Variants in SORCS1 observed in about 807,000 individuals in gnomAD.
The protein encoded by SORCS1 is VPS10 domain-containing receptor SorCS1.
A neutral mutation model predicts 146.1 loss-of-function variants in SORCS1; 60 were observed. The observed-to-expected ratio is 0.41, with a 90% CI of 0.33 to 0.51. The LOEUF is 0.51. SORCS1 is among the 20% of genes least tolerant of loss of function. SORCS1 has a pLI of 0.21. For synonymous variants in SORCS1, 637 were observed against 584.0 expected (o/e 1.09, Z -1.31); for missense variants, 1,352 against 1,487.6 (o/e 0.91, Z 1.50).
At position 106,577,639 on chromosome 10, in the gene SORCS1, C is replaced by T. The variant is rs1053188424; in HGVS notation, c.3372-84G>A. The T allele has an allele frequency of 6.4e-6, 10 of 1,573,708 alleles. 1 individual carries two copies. In the African/African-American group the frequency reaches 6.8e-5, roughly 11 times the overall value. On this transcript the variant is annotated intron_variant, in intron 25 of 25. Transcript: ENST00000263054. The stretch of plus-strand genomic sequence containing the variant: ...GAGACTTTGCAATGTGCTGCGATAT[C>T]TTCCTGGAGAAGGAGGAATTACTAC...
At chr10:107,047,672 C>T (rs556882536) in intron 1 of SORCS1, among the ~76,000 whole-genome samples, 3 of 152,276 alleles carry the variant, frequency 2.0e-5, no homozygotes, top group South Asian at 4.1e-4. Context: ...CTAGCCAAAA[C>T]GGACCATTTG....
intron 1 of SORCS1, among the ~76,000 whole-genome samples, chr10:107,125,477 T>C (rs995336687): frequency 1.3e-5 from 2 of 152,344 alleles, no homozygotes; most frequent in African/African-American, 2.4e-5. Context: ...GTCAGGAGCA[T>C]GGATATTCAC....
chr10:107,176,380 G>C, the SORCS1 span, among the ~76,000 whole-genome samples: 2 of 149,910 alleles, frequency 1.3e-5, no homozygotes, highest in African/African-American at 4.9e-5. Context: ...GCCCAGGTTA[G>C]AGTGCAGTGC....
chr10:106,760,370 G>A (rs1045253361), intron 5 of SORCS1, among the ~76,000 whole-genome samples: 2 of 149,492 alleles, frequency 1.3e-5, no homozygotes, highest in African/African-American at 2.5e-5. Context: ...CGTGAACCTG[G>A]GAGGCAGAGC....
Position 106,574,518 on chromosome 10 carries a change from T to G in SORCS1, c.*2902A>C, listed in dbSNP as rs564859963. On this transcript the variant is annotated 3_prime_UTR_variant, in exon 26 of 26. Coordinates refer to ENST00000263054, the MANE Select transcript of SORCS1 (RefSeq NM_052918.5). Reference sequence around the variant, plus strand: ...ATTCAGCTGGAATGGCCTAGTACAATGGTTCTCAAACTTTAGTATGTATCA... The same window carrying G: ...ATTCAGCTGGAATGGCCTAGTACAAGGGTTCTCAAACTTTAGTATGTATCA... The G allele has an allele frequency of 6.5e-6, 1 of 152,738 alleles. No homozygotes were observed. Among genetic ancestry groups the G allele is most frequent in the South Asian group, 2.1e-4 (1 of 4,824 alleles). 9.5% of individuals were successfully genotyped at this position (152,738 alleles called of 1,614,324 possible). A position where few individuals can be genotyped will look rare whatever the true frequency, so the allele number is the denominator to read the frequency against.
chr10:107,102,606 A>G (rs1349896233), intron 1 of SORCS1, among the ~76,000 whole-genome samples: 1 of 152,164 alleles, frequency 6.6e-6, no homozygotes, highest in Non-Finnish European at 1.5e-5. Flanking sequence ...TTAGCGTTCT[A>G]CCTAAGCACT....
chr10:106,621,278 T>A (rs1485021300), intron 19 of SORCS1, among the ~76,000 whole-genome samples: 2 of 152,194 alleles, frequency 1.3e-5, no homozygotes, highest in African/African-American at 4.8e-5. Flanking sequence ...GCCCTCTTCA[T>A]AAAGAACCAC....
intron 24 of SORCS1, among the ~76,000 whole-genome samples, chr10:106,582,580 G>C (rs966038544): frequency 2.0e-5 from 3 of 152,208 alleles, no homozygotes; most frequent in African/African-American, 7.2e-5. Flanking sequence ...TTTGCTGAGG[G>C]ATGGAAACTT....
chr10:106,810,447 T>C lies in SORCS1; in HGVS notation c.726+19127A>G, dbSNP rs528606782. Among the ~76,000 whole-genome samples the C allele has an allele frequency of 2.6e-3, 400 of 152,342 alleles. 4 individuals carry two copies. The highest frequency in any genetic ancestry group is 9.1e-3 in the African/African-American group (380 of 41,582). On this transcript the variant is annotated intron_variant, in intron 3 of 25. Transcript: ENST00000263054. ...AGGGCTCTTTGAATAGCACTTTGTA[T>C]CTAATAAGCCTATGTGGGATGCCTG...
rs1459217845 is a variant in SORCS1, at chr10:106,847,801, T to A, written c.627-18128A>T. Among the ~76,000 whole-genome samples, 14 of 130,960 alleles carry A rather than the reference T, an allele frequency of 1.1e-4. No individual in the cohort carries two copies. The East Asian group carries it at 3.1e-3, about 29-fold the overall frequency. 85.9% of individuals were successfully genotyped at this position (130,960 alleles called of 152,430 possible). On this transcript the variant is annotated intron_variant, in intron 2 of 25. Transcript: ENST00000263054. ...TATGTTGTGTCTTTGTTCTCGTTGG[T>A]TTCAAAGAACATCTTTACTTCTGTC...
chr10:106,700,669 T>A (rs1854074744), intron 8 of SORCS1, among the ~76,000 whole-genome samples: 1 of 152,164 alleles, frequency 6.6e-6, no homozygotes, highest in Non-Finnish European at 1.5e-5. Flanking sequence ...ATGCCCATGT[T>A]CTCAATCAAG....
intron 2 of SORCS1, among the ~76,000 whole-genome samples, chr10:106,926,440 G>A (rs1449212680): frequency 6.6e-6 from 1 of 151,652 alleles, no homozygotes; most frequent in African/African-American, 2.4e-5. Flanking sequence ...TGAAAAGTGG[G>A]GATTAAAAAA....
At chr10:106,693,782 G>A (rs1186310193) in intron 9 of SORCS1, among the ~76,000 whole-genome samples, 1 of 152,042 alleles carries the variant, frequency 6.6e-6, no homozygotes, top group Non-Finnish European at 1.5e-5. Flanking sequence ...TACTTCTTAT[G>A]CTCTTTATTA....
chr10:106,812,872 G>C (rs934910865), intron 3 of SORCS1, among the ~76,000 whole-genome samples: 1 of 152,052 alleles, frequency 6.6e-6, no homozygotes, highest in African/African-American at 2.4e-5. Flanking sequence ...TAAAGGTAAC[G>C]ATAGAGCCAC....
At chr10:106,774,992 T>C (rs1228949071) in intron 4 of SORCS1, among the ~76,000 whole-genome samples, 3 of 152,218 alleles carry the variant, frequency 2.0e-5, no homozygotes, top group Admixed American at 6.5e-5. Flanking sequence ...GTAGCTGGGA[T>C]GAAGTCACAG....
intron 1 of SORCS1, among the ~76,000 whole-genome samples, chr10:107,044,664 A>C (rs1959217588): frequency 6.6e-6 from 1 of 151,788 alleles, no homozygotes; most frequent in African/African-American, 2.4e-5. Flanking sequence ...TCTACTGAAA[A>C]TACAAAAAAT....
chr10:106,797,721 T>C (rs1946642795), intron 3 of SORCS1, among the ~76,000 whole-genome samples: 1 of 152,170 alleles, frequency 6.6e-6, no homozygotes, highest in Non-Finnish European at 1.5e-5. Flanking sequence ...ATGGCCAATT[T>C]GCTTTTACCA....
rs1848274543 is a variant in SORCS1, at chr10:106,629,072, C to A, written c.2662+130G>T. ...TCTTTCCTTATTTTGGTCTCTTAAT[C>A]ATTTCTTCCCCATTCCCCTTCTGCT... On this transcript the variant is annotated intron_variant, in intron 19 of 25. Coordinates refer to ENST00000263054, the MANE Select transcript of SORCS1 (RefSeq NM_052918.5). 4 of 776,538 alleles carry A rather than the reference C, an allele frequency of 5.2e-6. No individual in the cohort carries two copies. In the African/African-American group the frequency reaches 5.2e-5, roughly 10 times the overall value. The allele number at this position is 776,538 out of a possible 1,614,324, so 48.1% of individuals were successfully genotyped here. A position where few individuals can be genotyped will look rare whatever the true frequency, so the allele number is the denominator to read the frequency against.
At chr10:107,059,343 GA>G (rs1300743249) in intron 1 of SORCS1, among the ~76,000 whole-genome samples, 7 of 152,176 alleles carry the variant, frequency 4.6e-5, no homozygotes, top group Admixed American at 3.9e-4. Context: ...ACTGTGACAT[GA>G]TATGGCTATA....
Sources: gnomAD v4.1 joint callset for allele counts (sites outside exome capture counted in the v4.1 genomes callset) on GRCh38, gnomAD v4.1.1 for gene constraint, MANE v1.5 for transcripts, NCBI Gene and HGNC (gene_info 2026-07-23, HGNC 2026-07-21) for gene names.